Variants in CNTNAP5 observed in about 807,000 individuals in gnomAD.
The protein encoded by CNTNAP5 is contactin associated protein family member 5, also known as contactin-associated protein-like 5.
A neutral mutation model predicts 150.2 loss-of-function variants in CNTNAP5; 72 were observed. The ratio of observed to expected loss-of-function variants is 0.48; its 90% CI spans 0.40 to 0.58. The LOEUF is 0.58. Among genes scored for constraint, CNTNAP5 ranks in the 20% least tolerant of loss-of-function variants. CNTNAP5 has a pLI of 0.00. For missense variants in CNTNAP5, 1,636 were observed against 1,626.2 expected (o/e 1.01, Z -0.10); for synonymous variants, 672 against 619.8 (o/e 1.08, Z -1.25).
At chr2:124,458,800 C>T (rs1381909669) in intron 6 of CNTNAP5, among the ~76,000 whole-genome samples, 1 of 151,696 alleles carries the variant, frequency 6.6e-6, no homozygotes, top group East Asian at 1.9e-4. Flanking sequence ...CATAAAAATA[C>T]AAATGACTTT....
intron 12 of CNTNAP5, among the ~76,000 whole-genome samples, chr2:124,647,314 A>C (rs1470379879): frequency 6.6e-6 from 1 of 152,230 alleles, no homozygotes; most frequent in Non-Finnish European, 1.5e-5. Context: ...CTCTGAAAAC[A>C]TGCTAGTGTT....
intron 3 of CNTNAP5, among the ~76,000 whole-genome samples, chr2:124,388,815 G>A (rs915311065): frequency 3.9e-5 from 6 of 152,062 alleles, no homozygotes; most frequent in Admixed American, 6.5e-5. Context: ...CGAGTAGCTG[G>A]GATTGTGGGT....
intron 21 of CNTNAP5, among the ~76,000 whole-genome samples, chr2:124,889,606 G>A (rs1027336050): frequency 2.0e-5 from 3 of 152,010 alleles, no homozygotes; most frequent in Non-Finnish European, 2.9e-5. Context: ...TGATTTTAAT[G>A]TAAAATATTT....
chr2:124,693,941 A>G (rs991326828), intron 13 of CNTNAP5, among the ~76,000 whole-genome samples: 3 of 151,858 alleles, frequency 2.0e-5, no homozygotes, highest in African/African-American at 7.3e-5. Context: ...TTGAATGTCC[A>G]TTATCTGACC....
In CNTNAP5 at chr2:124,679,428, A is replaced by G. The variant is rs546239722; in HGVS notation, c.2077+31470A>G. 3.3e-5 allele frequency among the ~76,000 whole-genome samples: 5 copies of G among 152,010 alleles called. 1 individual carries two copies. Among genetic ancestry groups the G allele is most frequent in the Admixed American group, 2.7e-4 (4 of 15,024 alleles). ...ACTTTGACATTTATAAAACAATCAC[A>G]TATGGTGACCCTCATAGAGGACAGA... On this transcript the variant is annotated intron_variant, in intron 13 of 23. Coordinates refer to ENST00000682447, the MANE Select transcript of CNTNAP5 (RefSeq NM_001367498.1).
At chr2:124,025,845 A>C in intron 1 of CNTNAP5, 113 bp downstream of exon 1, 1 of 902,554 alleles carries the variant, frequency 1.1e-6, no homozygotes. Flanking sequence ...AAGGAAACGG[A>C]AAAAAAATGC....
intron 19 of CNTNAP5, among the ~76,000 whole-genome samples, chr2:124,807,386 A>G (rs1171385355): frequency 6.6e-6 from 1 of 152,196 alleles, no homozygotes; most frequent in Admixed American, 6.5e-5. Flanking sequence ...AACACCAGCC[A>G]TATGCCACTG....
At chr2:124,279,590 T>C (rs1687964703) in intron 3 of CNTNAP5, among the ~76,000 whole-genome samples, 1 of 152,176 alleles carries the variant, frequency 6.6e-6, no homozygotes, top group South Asian at 2.1e-4. Context: ...ACACAGATTC[T>C]GATAAGTAAA....
At chr2:124,639,945 C>T (rs1292184908) in intron 12 of CNTNAP5, among the ~76,000 whole-genome samples, 2 of 152,048 alleles carry the variant, frequency 1.3e-5, no homozygotes, top group Non-Finnish European at 2.9e-5. Context: ...CCCCCCTTTG[C>T]TGCTGCAGAT....
intron 17 of CNTNAP5, among the ~76,000 whole-genome samples, chr2:124,782,378 T>G (rs1681471623): frequency 6.6e-6 from 1 of 152,234 alleles, no homozygotes; most frequent in Admixed American, 6.5e-5. Flanking sequence ...TTGTTATTAT[T>G]GTTATTCTAA....
Position 124,752,890 on chromosome 2 carries a change from A to G in CNTNAP5, c.2234+5505A>G, listed in dbSNP as rs569174701. Among the ~76,000 whole-genome samples the G allele has an allele frequency of 4.6e-5, 7 of 152,268 alleles. 1 individual carries two copies. The East Asian group carries it at 1.4e-3, about 30-fold the overall frequency. On this transcript the variant is annotated intron_variant, in intron 14 of 23. Transcript: ENST00000682447. ...AAACAGTCATCCAGCAAGAGGCGTC[A>G]AAGGCTGGTGGAGCAGCATGTTGGA...
chr2:124,182,094 G>C (rs906442376), intron 1 of CNTNAP5, among the ~76,000 whole-genome samples: 2 of 152,078 alleles, frequency 1.3e-5, no homozygotes, highest in Non-Finnish European at 2.9e-5. Flanking sequence ...AAGAAAAGTG[G>C]CTTTAATACT....
intron 1 of CNTNAP5, among the ~76,000 whole-genome samples, chr2:124,041,838 C>T (rs1681379775): frequency 1.4e-5 from 2 of 145,252 alleles, no homozygotes; most frequent in African/African-American, 5.2e-5. Context: ...GTGATTTATG[C>T]ATCATGATGT....
intron 3 of CNTNAP5, among the ~76,000 whole-genome samples, chr2:124,271,677 CT>C (rs567664945): frequency 2.5e-5 from 3 of 119,168 alleles, no homozygotes; most frequent in African/African-American, 9.0e-5. Flanking sequence ...ATCTATCTAT[CT>C]ATCTATCTAT....
chr2:124,735,704 G>A (rs1021360896), intron 13 of CNTNAP5, among the ~76,000 whole-genome samples: 1 of 152,128 alleles, frequency 6.6e-6, no homozygotes, highest in Non-Finnish European at 1.5e-5. Flanking sequence ...GGGATTTGGA[G>A]CCATAAGATC....
intron 19 of CNTNAP5, among the ~76,000 whole-genome samples, chr2:124,859,628 T>C (rs1677466123): frequency 1.3e-5 from 2 of 152,218 alleles, no homozygotes; most frequent in Admixed American, 6.5e-5. Context: ...ATTGCAGCAC[T>C]ATTCACAATA....
intron 13 of CNTNAP5, among the ~76,000 whole-genome samples, chr2:124,659,901 G>A (rs72845045): frequency 0.021 from 3,225 of 152,234 alleles, 43 homozygotes; most frequent in Middle Eastern, 0.037. Flanking sequence ...ATGGGGAAAG[G>A]CATGAAGGGA....
rs763258103 is a variant in CNTNAP5, at chr2:124,542,048, C to T, written c.1649+14592C>T. 1.9e-3 allele frequency among the ~76,000 whole-genome samples: 295 copies of T among 151,902 alleles called. 5 individuals carry two copies. Among genetic ancestry groups the T allele is most frequent in the Non-Finnish European group, 6.2e-4 (42 of 67,948 alleles). ...TTTAGACAGGGTTTGCCTCATATAT[C>T]TCTCCCACCTCCCCAAATGCATACG... On this transcript the variant is annotated intron_variant, in intron 10 of 23. Coordinates refer to ENST00000682447, the MANE Select transcript of CNTNAP5 (RefSeq NM_001367498.1).
At chr2:124,776,078 CA>C (rs779401209) in intron 17 of CNTNAP5, among the ~76,000 whole-genome samples, 4 of 152,128 alleles carry the variant, frequency 2.6e-5, no homozygotes, top group Non-Finnish European at 5.9e-5. Flanking sequence ...CTGCTATCTG[CA>C]TGTACAAATT....
Sources: gnomAD v4.1 joint callset for allele counts (sites outside exome capture counted in the v4.1 genomes callset) on GRCh38, gnomAD v4.1.1 for gene constraint, MANE v1.5 for transcripts, NCBI Gene and HGNC (gene_info 2026-07-23, HGNC 2026-07-21) for gene names.